The following GATA3 variants were observed in gnomAD, a reference collection of about 807,000 sequenced individuals.
GATA3 encodes the protein trans-acting T-cell-specific transcription factor GATA-3.
In GATA3, 6 loss-of-function variants were observed where a neutral mutation model predicts 36.0. The ratio of observed to expected loss-of-function variants is 0.17; its 90% confidence interval spans 0.09 to 0.33. The LOEUF is 0.33. Among genes scored for constraint, GATA3 ranks in the 10% least tolerant of loss-of-function variants. GATA3 has a pLI of 1.00. For synonymous variants in GATA3, 326 were observed against 273.0 expected (o/e 1.19, Z -1.92); for missense variants, 514 against 610.1 (o/e 0.84, Z 1.66).
intron 3 of GATA3, among the ~76,000 whole-genome samples, chr10:8,061,453 G>A (rs1489647975): frequency 2.0e-5 from 3 of 152,254 alleles, no homozygotes; most frequent in African/African-American, 2.4e-5. Flanking sequence ...AGGCCTCGCC[G>A]CTCTGTGGTT....
intron 3 of GATA3, among the ~76,000 whole-genome samples, chr10:8,062,648 C>T (rs986514177): frequency 3.9e-5 from 6 of 152,162 alleles, no homozygotes; most frequent in African/African-American, 1.4e-4. Flanking sequence ...TTCTTCTACC[C>T]CAGTGGTCCG....
At chr10:8,064,308 C>CTTTTTTTTTTTT (rs1315616378) in intron 4 of GATA3, among the ~76,000 whole-genome samples, 170 bp downstream of exon 4, 1 of 114,134 alleles carries the variant, frequency 8.8e-6, no homozygotes, top group Non-Finnish European at 1.7e-5. Context: ...TTTTCTTCTT[C>CTTTTTTTTTTTT]TTCTTTTTTT....
Position 8,055,764 on chromosome 10 carries a change from G to T in GATA3, c.109G>T (p.Asp37Tyr). The change falls in exon 2 of 6, where the codon GAC becomes TAC. Residue 37 changes from aspartate (D) to tyrosine (Y), a missense_variant. Asp to Tyr is a radical substitution (Grantham distance 160). Coordinates refer to ENST00000379328, the MANE Select transcript of GATA3 (RefSeq NM_001002295.2). This position sits in a 1 kb window ranked among gnomAD's most constrained non-coding sequence, Gnocchi z 5.4. ...HHPGLSHSYM[D>Y]AAQYPLPEEV... is the part of the protein sequence containing the mutation. ...CCCGGGCCTCAGCCACTCCTACATG[G>T]ACGCGGCGCAGTACCCGCTGCCGGA... The T allele has an allele frequency of 6.3e-7, 1 of 1,589,402 alleles. No individual in the cohort carries two copies. The highest frequency in any genetic ancestry group is 8.6e-7 in the Non-Finnish European group (1 of 1,167,976).
In GATA3 at chr10:8,074,033, C is replaced by T. The variant is rs780972913; in HGVS notation, c.*10C>T. ...CACCGCCATGGGTTAGAGCCCTGCTCGATGCTCACAGGGCCCCCAGCGAGA... is the reference window on the plus strand; with the variant it reads ...CACCGCCATGGGTTAGAGCCCTGCTTGATGCTCACAGGGCCCCCAGCGAGA... On this transcript the variant is annotated 3_prime_UTR_variant, in exon 6 of 6. Coordinates refer to ENST00000379328, the MANE Select transcript of GATA3 (RefSeq NM_001002295.2). The T allele has an allele frequency of 1.2e-5, 20 of 1,613,532 alleles. No individual in the cohort carries two copies. The highest frequency in any genetic ancestry group is 8.9e-5 in the East Asian group (4 of 44,878).
At chr10:8,048,657 G>A (rs1191972546), upstream of GATA3, among the ~76,000 whole-genome samples, 1 of 152,148 alleles carries the variant, frequency 6.6e-6, no homozygotes, top group African/African-American at 2.4e-5. Context: ...GAGCTGAAAA[G>A]GGCACTTTTC....
At chr10:8,050,698 C>A, upstream of GATA3, 1 of 233,432 alleles carries the variant, frequency 4.3e-6, no homozygotes, top group Non-Finnish European at 8.7e-6. Flanking sequence ...CTCGGCGGCT[C>A]GGCTCGGCTC....
At position 8,074,765 on chromosome 10, in the gene GATA3, A is replaced by G; in HGVS notation, c.*742A>G. The G allele has an allele frequency of 4.3e-6, 1 of 233,762 alleles. No individual in the cohort carries two copies. The highest frequency in any genetic ancestry group is 6.0e-5 in the East Asian group (1 of 16,582). The allele number at this position is 233,762 out of a possible 1,614,324, so 14.5% of individuals were successfully genotyped here. A position where few individuals can be genotyped will look rare whatever the true frequency, so the allele number is the denominator to read the frequency against. On this transcript the variant is annotated 3_prime_UTR_variant, in exon 6 of 6. Transcript: ENST00000379328. ...GTAGATTTATTTCATCATATTATAC[A>G]GACCGAACTGTTGTATAAATTTATT... is the stretch of plus-strand genomic sequence containing the variant.
intron 5 of GATA3, among the ~76,000 whole-genome samples, chr10:8,071,335 C>G (rs1564404265): frequency 6.6e-6 from 1 of 152,012 alleles, no homozygotes; most frequent in African/African-American, 2.4e-5. Context: ...GGAATGCTCT[C>G]TTTTTTTAGA....
chr10:8,051,631 G>A (rs1832495154), upstream of GATA3: 1 of 152,548 alleles, frequency 6.6e-6, no homozygotes, highest in Admixed American at 6.5e-5. Context: ...TACCTGGGAG[G>A]GGGTCGCGTC....
At chr10:8,071,286 G>T (rs1832927059) in intron 5 of GATA3, among the ~76,000 whole-genome samples, 1 of 152,204 alleles carries the variant, frequency 6.6e-6, no homozygotes, top group African/African-American at 2.4e-5. Context: ...TTCCTGGGAA[G>T]TTGGCAGTGT....
In GATA3 at chr10:8,065,978, A is replaced by AG. The variant is rs1374172657; in HGVS notation, c.924+1840_924+1841insG. On this transcript the variant is annotated intron_variant, in intron 4 of 5. Transcript: ENST00000379328. ...TGGCCTTAGTAAAAAAAAAAAAAAA[A>AG]AAAGAGAGAGAGAGAGAGAGGAAAA... Among the ~76,000 whole-genome samples the AG allele has an allele frequency of 4.0e-3, 588 of 147,612 alleles. 2 individuals carry two copies. Among genetic ancestry groups the AG allele is most frequent in the African/African-American group, 0.014 (570 of 40,228 alleles).
At chr10:8,065,058 C>T (rs1421849950) in intron 4 of GATA3, among the ~76,000 whole-genome samples, 2 of 152,088 alleles carry the variant, frequency 1.3e-5, no homozygotes, top group Non-Finnish European at 2.9e-5. Flanking sequence ...TTATGTGGTG[C>T]TGACATTCAC....
chr10:8,056,357 C>A (rs1406217253), intron 2 of GATA3, among the ~76,000 whole-genome samples: 1 of 145,188 alleles, frequency 6.9e-6, no homozygotes. Flanking sequence ...TCTTTCTAGG[C>A]GGGTGGGCGG....
chr10:8,063,721 G>A (rs531133005), intron 3 of GATA3, among the ~76,000 whole-genome samples: 2 of 152,242 alleles, frequency 1.3e-5, no homozygotes, highest in South Asian at 2.1e-4. Flanking sequence ...CCATCAAGTC[G>A]GGCAAGCCAA....
chr10:8,048,871 G>T (rs973366039), upstream of GATA3, among the ~76,000 whole-genome samples: 1 of 152,046 alleles, frequency 6.6e-6, no homozygotes, highest in Admixed American at 6.5e-5. Context: ...TACAATCAGG[G>T]GTTTTCTCAA....
At chr10:8,046,947 C>T (rs546214364) in intron 1 of GATA3, among the ~76,000 whole-genome samples, 182 of 152,228 alleles carry the variant, frequency 1.2e-3, no homozygotes, top group African/African-American at 4.1e-3. Flanking sequence ...GGAGCGGCTG[C>T]AATCCACGGG....
At chr10:8,067,782 C>A (rs1378969017) in intron 4 of GATA3, among the ~76,000 whole-genome samples, 1 of 152,220 alleles carries the variant, frequency 6.6e-6, no homozygotes, top group East Asian at 1.9e-4. Flanking sequence ...CGCGCCACTG[C>A]ACTCCAGCCT....
At chr10:8,048,323 C>A (rs941282135) in intron 1 of GATA3, among the ~76,000 whole-genome samples, 8 of 152,188 alleles carry the variant, frequency 5.3e-5, no homozygotes, top group African/African-American at 1.2e-4. Context: ...ACCGCGTGCA[C>A]CCCACCTCAC....
intron 1 of GATA3, among the ~76,000 whole-genome samples, chr10:8,046,019 T>A (rs1832382507): frequency 6.6e-6 from 1 of 152,296 alleles, no homozygotes; most frequent in South Asian, 2.1e-4. Flanking sequence ...GGAACCCAGA[T>A]GTGTCTGCAT....
Sources: gnomAD v4.1 joint callset for allele counts (sites outside exome capture counted in the v4.1 genomes callset) on GRCh38, gnomAD v4.1.1 for gene constraint, Gnocchi (gnomAD v3.1) non-coding constraint, MANE v1.5 for transcripts, NCBI Gene and HGNC (gene_info 2026-07-23, HGNC 2026-07-21) for gene names.